CFAP99: variants seen among roughly 807,000 people sequenced by gnomAD.
The protein encoded by CFAP99 is cilia and flagella associated protein 99, also known as cilia- and flagella-associated protein 99.
Under a neutral mutation model 82.7 loss-of-function variants are expected in CFAP99, and 84 were observed. The observed-to-expected ratio is 1.02, with a 90% confidence interval of 0.85 to 1.22. CFAP99 has a LOEUF of 1.22. Among genes scored for constraint, CFAP99 ranks in the 50% most tolerant of loss-of-function variants. The probability of loss-of-function intolerance (pLI) is 0.00; values close to 1 mark genes in which losing one functional copy is unlikely to be tolerated. For missense variants in CFAP99, 1,059 were observed against 983.5 expected (o/e 1.08, Z -1.03); for synonymous variants, 456 against 429.5 (o/e 1.06, Z -0.76).
At chr4:2,440,169 C>T (rs1448010495) in intron 4 of CFAP99, among the ~76,000 whole-genome samples, 10 of 77,800 alleles carry the variant, frequency 1.3e-4, no homozygotes, top group Non-Finnish European at 2.0e-4. Flanking sequence ...TTTTTTGAGA[C>T]GGAGTCTCGC....
intron 2 of CFAP99, among the ~76,000 whole-genome samples, chr4:2,434,080 G>A (rs183155564): frequency 1.6e-4 from 24 of 152,328 alleles, no homozygotes; most frequent in South Asian, 1.0e-3. Flanking sequence ...CGAGAGACAC[G>A]CTGGGAGTAA....
chr4:2,423,927 C>T (rs898721343), intron 1 of CFAP99, among the ~76,000 whole-genome samples: 8 of 152,368 alleles, frequency 5.3e-5, no homozygotes, highest in African/African-American at 9.6e-5. Context: ...GGCAGGCTCC[C>T]GGGCAGTGAC....
chr4:2,432,579 A>G (rs909680823), intron 2 of CFAP99, among the ~76,000 whole-genome samples: 4 of 151,780 alleles, frequency 2.6e-5, no homozygotes, highest in East Asian at 3.9e-4. Context: ...CCCTCCCCCA[A>G]CCTGCCCCGG....
chr4:2,447,474 G>A (rs11728787), intron 6 of CFAP99, among the ~76,000 whole-genome samples: 1 of 148,384 alleles, frequency 6.7e-6, no homozygotes, highest in Non-Finnish European at 1.5e-5. Flanking sequence ...GATGAGTAGA[G>A]GGATGGGTAA....
intron 1 of CFAP99, among the ~76,000 whole-genome samples, chr4:2,423,387 C>A (rs1285744835): frequency 6.6e-6 from 1 of 152,236 alleles, no homozygotes; most frequent in Non-Finnish European, 1.5e-5. Flanking sequence ...AAGCTTAAGG[C>A]CCTGCCCTGA....
intron 4 of CFAP99, among the ~76,000 whole-genome samples, chr4:2,441,720 C>T (rs904146168): frequency 7.2e-5 from 11 of 152,216 alleles, no homozygotes; most frequent in Non-Finnish European, 1.3e-4. Flanking sequence ...CTGGGCCATG[C>T]CTATCCCATT....
intron 11 of CFAP99, among the ~76,000 whole-genome samples, chr4:2,455,431 G>A (rs1734405775): frequency 6.6e-6 from 1 of 152,102 alleles, no homozygotes; most frequent in South Asian, 2.1e-4. Flanking sequence ...TCAGCACTTT[G>A]GGAGGCCAAA....
intron 1 of CFAP99, among the ~76,000 whole-genome samples, chr4:2,422,443 G>T (rs1309481115): frequency 6.6e-6 from 1 of 152,128 alleles, no homozygotes; most frequent in Non-Finnish European, 1.5e-5. Context: ...GCCCTGGATT[G>T]GGGGGCGGGC....
chr4:2,422,590 A>G (rs890485729), intron 1 of CFAP99, among the ~76,000 whole-genome samples: 1 of 152,074 alleles, frequency 6.6e-6, no homozygotes, highest in Admixed American at 6.5e-5. Flanking sequence ...AGCTCCCACC[A>G]CACACATGCA....
rs967282250 is a variant in CFAP99, at chr4:2,462,197, GAAAA to G, written c.1662-242_1662-239del. On this transcript the variant is annotated intron_variant, in intron 14 of 14. Transcript: ENST00000635017. The surrounding 1 kb of genome is among the most constrained non-coding windows in gnomAD (Gnocchi z 4.1). Reference sequence around the variant, plus strand: ...CAACAACAACAAAAATTAAAGAAAAGAAAAAAAGAGCAAAAGGGTAGATAGAAGT... The same window carrying G: ...CAACAACAACAAAAATTAAAGAAAAGAAAGAGCAAAAGGGTAGATAGAAGT... The G allele has an allele frequency of 1.0e-5, 4 of 382,800 alleles. No individual in the cohort carries two copies. The East Asian group carries it at 1.2e-4, about 12-fold the overall frequency. The allele number at this position is 382,800 out of a possible 1,614,324, so 23.7% of individuals were successfully genotyped here. A position where few individuals can be genotyped will look rare whatever the true frequency, so the allele number is the denominator to read the frequency against.
At chr4:2,442,860 G>A (rs1050557603) in intron 4 of CFAP99, among the ~76,000 whole-genome samples, 5 of 152,092 alleles carry the variant, frequency 3.3e-5, no homozygotes, top group African/African-American at 1.2e-4. Context: ...ACCCTGCGCG[G>A]TGGCCTTGGG....
At chr4:2,452,802 C>A (rs1266632118) in intron 11 of CFAP99, among the ~76,000 whole-genome samples, 1 of 152,200 alleles carries the variant, frequency 6.6e-6, no homozygotes, top group Non-Finnish European at 1.5e-5. Context: ...GTGGCTCACA[C>A]CTATAATCCC....
chr4:2,420,398 ACT>A (rs1396417386), intron 1 of CFAP99, among the ~76,000 whole-genome samples: 2 of 152,022 alleles, frequency 1.3e-5, no homozygotes, highest in African/African-American at 4.8e-5. Flanking sequence ...CCCAAACCAC[ACT>A]CTCAGTCTTC....
At chr4:2,455,854 TTA>T (rs764741969) in intron 11 of CFAP99, among the ~76,000 whole-genome samples, 1 of 152,250 alleles carries the variant, frequency 6.6e-6, no homozygotes, top group South Asian at 2.1e-4. Flanking sequence ...AAAAAGAATT[TTA>T]GTTTTTCTTA....
At chr4:2,445,847 C>T (rs1357201186) in intron 6 of CFAP99, among the ~76,000 whole-genome samples, 14 of 152,164 alleles carry the variant, frequency 9.2e-5, no homozygotes, top group African/African-American at 3.1e-4. Context: ...TTCAGGCATA[C>T]GTGACCAGGG....
At chr4:2,459,466 A>G (rs970586930) in intron 13 of CFAP99, among the ~76,000 whole-genome samples, 1 of 152,210 alleles carries the variant, frequency 6.6e-6, no homozygotes, top group Non-Finnish European at 1.5e-5. Flanking sequence ...CAAGGCACAC[A>G]CTTAGCCAGT....
intron 1 of CFAP99, among the ~76,000 whole-genome samples, chr4:2,423,316 G>A (rs986484386): frequency 6.6e-6 from 1 of 152,242 alleles, no homozygotes; most frequent in African/African-American, 2.4e-5. Context: ...GGCCTGCTGG[G>A]ACCCTCCCGA....
chr4:2,462,661 G>A lies in CFAP99; in HGVS notation c.1880G>A (p.Gly627Glu). The change falls in exon 15 of 15, where the codon GGA becomes GAA. Residue 627 changes from glycine (G) to glutamate (E), a missense_variant. Transcript: ENST00000635017. The surrounding 1 kb of genome is among the most constrained non-coding windows in gnomAD (Gnocchi z 4.1). ...CGACTGAAAGCCGGGGCCGGGTGGG[G>A]ATGGCGGGCGCGGCGCGCAGGGACC... 3 of 1,272,176 alleles carry A rather than the reference G, an allele frequency of 2.4e-6. No individual in the cohort carries two copies. Among genetic ancestry groups the A allele is most frequent in the Non-Finnish European group, 3.0e-6 (3 of 1,011,746 alleles). 78.8% of individuals were successfully genotyped at this position (1,272,176 alleles called of 1,614,324 possible). A position where few individuals can be genotyped will look rare whatever the true frequency, so the allele number is the denominator to read the frequency against.
rs1311675845 is a variant in CFAP99, at chr4:2,462,350, C to T, written c.1662-93C>T. 22 of 1,262,642 alleles carry T rather than the reference C, an allele frequency of 1.7e-5. No individual in the cohort carries two copies. The highest frequency in any genetic ancestry group is 2.3e-5 in the Non-Finnish European group (22 of 977,602). The allele number at this position is 1,262,642 out of a possible 1,614,324, so 78.2% of individuals were successfully genotyped here. A position where few individuals can be genotyped will look rare whatever the true frequency, so the allele number is the denominator to read the frequency against. ...GTGAACCTCTCCGGCTGCGTAGCTC[C>T]TTGCCCCCGCGTCGCTTGGACACGG... On this transcript the variant is annotated intron_variant, in intron 14 of 14. Coordinates refer to ENST00000635017, the Ensembl canonical transcript of CFAP99. The surrounding 1 kb of genome is among the most constrained non-coding windows in gnomAD (Gnocchi z 4.1).
Sources: gnomAD v4.1 joint callset for allele counts (sites outside exome capture counted in the v4.1 genomes callset) on GRCh38, gnomAD v4.1.1 for gene constraint, Gnocchi (gnomAD v3.1) non-coding constraint, MANE v1.5 for transcripts, NCBI Gene and HGNC (gene_info 2026-07-23, HGNC 2026-07-21) for gene names.